The following L3MBTL3 variants were observed in gnomAD, a reference collection of about 807,000 sequenced individuals.
L3MBTL3 encodes L3MBTL histone methyl-lysine binding protein 3.
In L3MBTL3, 27 loss-of-function variants were observed where a neutral mutation model predicts 102.3. The ratio of observed to expected loss-of-function variants is 0.26; its 90% confidence interval spans 0.19 to 0.36. L3MBTL3 has a LOEUF of 0.36. L3MBTL3 is among the 10% of genes least tolerant of loss of function. The probability of loss-of-function intolerance (pLI) is 1.00; values close to 1 mark genes in which losing one functional copy is unlikely to be tolerated. For synonymous variants in L3MBTL3, 340 were observed against 320.9 expected (o/e 1.06, Z -0.64); for missense variants, 798 against 955.3 (o/e 0.84, Z 2.17).
At chr6:130,127,473 T>G (rs1256032679) in intron 20 of L3MBTL3, among the ~76,000 whole-genome samples, 1 of 152,238 alleles carries the variant, frequency 6.6e-6, no homozygotes, top group East Asian at 1.9e-4. Context: ...TGCAAGTATA[T>G]GCTGTATTTA....
chr6:130,027,313 A>G (rs899222913), intron 2 of L3MBTL3, among the ~76,000 whole-genome samples: 6 of 152,212 alleles, frequency 3.9e-5, no homozygotes, highest in African/African-American at 7.2e-5. Flanking sequence ...AGGCTGGACC[A>G]TAGCTTTATA....
chr6:130,096,817 C>T (rs995774018), intron 18 of L3MBTL3, among the ~76,000 whole-genome samples: 2 of 152,154 alleles, frequency 1.3e-5, no homozygotes, highest in Non-Finnish European at 2.9e-5. Flanking sequence ...TGGTAAGGAA[C>T]CCTTTCCAGT....
intron 2 of L3MBTL3, among the ~76,000 whole-genome samples, chr6:130,035,599 C>T (rs1039415004): frequency 2.0e-5 from 3 of 152,214 alleles, no homozygotes; most frequent in Non-Finnish European, 4.4e-5. Context: ...GTAATGGTCT[C>T]GGTCTTCAGT....
At chr6:130,136,101 C>T (rs573585508) in intron 22 of L3MBTL3, among the ~76,000 whole-genome samples, 2 of 150,870 alleles carry the variant, frequency 1.3e-5, no homozygotes, top group Admixed American at 6.6e-5. Flanking sequence ...GCCACCACCA[C>T]CCTGGTCTGC....
intron 22 of L3MBTL3, chr6:130,137,647 T>A (rs767704326): frequency 2.6e-5 from 4 of 152,186 alleles, no homozygotes; most frequent in Non-Finnish European, 5.9e-5. Context: ...TGTTGTGTTA[T>A]ACTCTTACAT....
intron 19 of L3MBTL3, among the ~76,000 whole-genome samples, chr6:130,114,616 C>T (rs187912884): frequency 2.3e-4 from 35 of 152,194 alleles, no homozygotes; most frequent in East Asian, 5.8e-4. Context: ...CTTTCACTAG[C>T]GTATGGTCCT....
chr6:130,083,334 A>G (rs529704183), intron 14 of L3MBTL3, among the ~76,000 whole-genome samples: 5 of 152,186 alleles, frequency 3.3e-5, no homozygotes, highest in African/African-American at 1.2e-4. Flanking sequence ...CTCCAATACA[A>G]AATTGCTAAA....
At chr6:130,035,463 G>A (rs9375694) in intron 2 of L3MBTL3, among the ~76,000 whole-genome samples, 86,071 of 152,136 alleles carry the variant, frequency 0.57, 28,128 homozygotes, top group East Asian at 0.76. Flanking sequence ...GGAAAGTGTC[G>A]TATGTCATTT....
At chr6:130,042,999 A>G (rs566850846) in intron 3 of L3MBTL3, among the ~76,000 whole-genome samples, 198 bp downstream of exon 3, 1 of 152,328 alleles carries the variant, frequency 6.6e-6, no homozygotes, top group African/African-American at 2.4e-5. Flanking sequence ...TGTCACTTGG[A>G]TAAGGGGAGT....
At chr6:130,102,771 T>G (rs1183016208) in intron 18 of L3MBTL3, among the ~76,000 whole-genome samples, 1 of 152,212 alleles carries the variant, frequency 6.6e-6, no homozygotes, top group African/African-American at 2.4e-5. Context: ...TCTGCTCGGG[T>G]GCTTCTTCTC....
chr6:130,055,138 C>G (rs1358651382), intron 7 of L3MBTL3, 33 bp from the exon 8 acceptor site: 1 of 1,564,270 alleles, frequency 6.4e-7, no homozygotes, highest in Admixed American at 1.7e-5. Context: ...ATTTCTTGAA[C>G]TTTAAAGTCA....
chr6:130,110,949 A>C (rs1431730841), intron 19 of L3MBTL3, among the ~76,000 whole-genome samples: 1 of 152,116 alleles, frequency 6.6e-6, no homozygotes, highest in Non-Finnish European at 1.5e-5. Flanking sequence ...ATATCACATT[A>C]CTCACCTGGA....
intron 2 of L3MBTL3, among the ~76,000 whole-genome samples, chr6:130,024,854 A>G (rs958371667): frequency 2.6e-5 from 4 of 152,186 alleles, no homozygotes; most frequent in Admixed American, 1.3e-4. Context: ...ACATGGTACC[A>G]TTAGGAAAGG....
In L3MBTL3 at chr6:130,133,276, T is replaced by G; in HGVS notation, c.1967-176T>G. 1.7e-6 allele frequency: 1 copy of G among 581,104 alleles called. No individual in the cohort carries two copies. The highest frequency in any genetic ancestry group is 2.5e-5 in the South Asian group (1 of 39,800). The allele number at this position is 581,104 out of a possible 1,614,324, so 36.0% of individuals were successfully genotyped here. A position where few individuals can be genotyped will look rare whatever the true frequency, so the allele number is the denominator to read the frequency against. ...TGATATCAGTTGAATTTACAGGTTG[T>G]TTTTTATAGTGACCTTCAGTAAAGA... On this transcript the variant is annotated intron_variant, in intron 20 of 22. Coordinates refer to ENST00000361794, the MANE Select transcript of L3MBTL3 (RefSeq NM_032438.4). The surrounding 1 kb of genome is among the most constrained non-coding windows in gnomAD (Gnocchi z 4.9).
chr6:130,132,527 G>A (rs1165691059), intron 20 of L3MBTL3, among the ~76,000 whole-genome samples: 11 of 152,202 alleles, frequency 7.2e-5, no homozygotes, highest in African/African-American at 2.7e-4. Context: ...CCTTGTAACT[G>A]AGCTGGTGTG....
intron 20 of L3MBTL3, among the ~76,000 whole-genome samples, chr6:130,124,593 T>G (rs1444025569): frequency 1.3e-5 from 2 of 152,240 alleles, no homozygotes; most frequent in African/African-American, 4.8e-5. Context: ...GTTTTGATTA[T>G]TATTAATACT....
At chr6:130,093,927 ATTTAC>A (rs1003391753) in intron 17 of L3MBTL3, among the ~76,000 whole-genome samples, 9 of 152,150 alleles carry the variant, frequency 5.9e-5, no homozygotes, top group Admixed American at 3.3e-4. Flanking sequence ...TAATTATGTT[ATTTAC>A]TTAATAAAAG....
intron 18 of L3MBTL3, among the ~76,000 whole-genome samples, chr6:130,095,848 G>A (rs1360612553): frequency 6.6e-6 from 1 of 152,086 alleles, no homozygotes; most frequent in East Asian, 1.9e-4. Context: ...ACCCACTTCT[G>A]CGATAATGTC....
intron 19 of L3MBTL3, among the ~76,000 whole-genome samples, chr6:130,106,867 T>A (rs1408672343): frequency 6.6e-6 from 1 of 152,240 alleles, no homozygotes; most frequent in East Asian, 1.9e-4. Flanking sequence ...TTCCACTCAT[T>A]TCCCAATGGG....
Sources: gnomAD v4.1 joint callset for allele counts (sites outside exome capture counted in the v4.1 genomes callset) on GRCh38, gnomAD v4.1.1 for gene constraint, Gnocchi (gnomAD v3.1) non-coding constraint, MANE v1.5 for transcripts, NCBI Gene and HGNC (gene_info 2026-07-23, HGNC 2026-07-21) for gene names.